DMRT1: variants seen among roughly 807,000 people sequenced by gnomAD.
The protein encoded by DMRT1 is doublesex- and mab-3-related transcription factor 1.
In DMRT1, 7 loss-of-function variants were observed where a neutral mutation model predicts 32.3. The observed-to-expected ratio is 0.22, with a 90% CI of 0.12 to 0.41. The LOEUF (loss-of-function observed/expected upper bound fraction) is 0.41. Among genes scored for constraint, DMRT1 ranks in the 10% least tolerant of loss-of-function variants. The pLI is 1.00. For missense variants in DMRT1, 625 were observed against 500.5 expected (o/e 1.25, Z -2.37); for synonymous variants, 278 against 206.1 (o/e 1.35, Z -2.99).
chr9:881,798 TTTC>T (rs1266395496), intron 2 of DMRT1, among the ~76,000 whole-genome samples: 6 of 152,244 alleles, frequency 3.9e-5, no homozygotes, highest in African/African-American at 7.2e-5. Context: ...GAATCATCCC[TTTC>T]TTCTTCTCCA....
rs1564206870 is a variant in DMRT1, at chr9:864,737, C to CAT, written c.538+17594_538+17595insAT. 3.8e-3 allele frequency among the ~76,000 whole-genome samples: 567 copies of CAT among 149,262 alleles called. 6 individuals carry two copies. The highest frequency in any genetic ancestry group is 0.012 in the African/African-American group (496 of 40,488). On this transcript the variant is annotated intron_variant, in intron 2 of 4. Transcript: ENST00000382276. The stretch of plus-strand genomic sequence containing the variant: ...GGATGGTCTCCATCTCCTAACCTTG[C>CAT]GATCCGCCCACCTCGGCCTCCCAAA...
chr9:884,525 G>A (rs1816850753), intron 2 of DMRT1, among the ~76,000 whole-genome samples: 1 of 152,224 alleles, frequency 6.6e-6, no homozygotes, highest in Non-Finnish European at 1.5e-5. Context: ...GGGAGACAGT[G>A]AGCTCTGTTA....
intron 4 of DMRT1, among the ~76,000 whole-genome samples, chr9:954,614 GT>G (rs370266011): frequency 4.9e-5 from 7 of 142,690 alleles, no homozygotes; most frequent in African/African-American, 1.8e-4. Flanking sequence ...TTTTTTGTTT[GT>G]TTTTTTGTTG....
At chr9:867,481 C>G (rs1816042325) in intron 2 of DMRT1, among the ~76,000 whole-genome samples, 1 of 152,246 alleles carries the variant, frequency 6.6e-6, no homozygotes, top group Admixed American at 6.5e-5. Context: ...CTCTCATTTA[C>G]CGAGTGTCTG....
At chr9:917,669 T>G (rs1392871166) in intron 4 of DMRT1, among the ~76,000 whole-genome samples, 1 of 152,228 alleles carries the variant, frequency 6.6e-6, no homozygotes, top group Non-Finnish European at 1.5e-5. Context: ...TAGAAGAATT[T>G]ACTCTGTGCT....
At chr9:845,877 C>G (rs1220150487) in intron 1 of DMRT1, among the ~76,000 whole-genome samples, 1 of 152,160 alleles carries the variant, frequency 6.6e-6, no homozygotes, top group Admixed American at 6.5e-5. Context: ...AAGGCTCTGT[C>G]CAAATACTAC....
intron 4 of DMRT1, among the ~76,000 whole-genome samples, chr9:947,858 A>T (rs1324726997): frequency 2.0e-5 from 3 of 152,186 alleles, no homozygotes; most frequent in Non-Finnish European, 4.4e-5. Flanking sequence ...CGCTGGAGTC[A>T]TAGATCTCAG....
intron 4 of DMRT1, among the ~76,000 whole-genome samples, chr9:929,151 C>G (rs946029580): frequency 3.3e-5 from 5 of 152,112 alleles, no homozygotes; most frequent in African/African-American, 1.2e-4. Context: ...AATTTTAGCA[C>G]CCTGTATTTG....
intron 2 of DMRT1, among the ~76,000 whole-genome samples, chr9:849,920 T>G (rs1839068308): frequency 6.6e-6 from 1 of 152,004 alleles, no homozygotes; most frequent in South Asian, 2.1e-4. Flanking sequence ...GCCTCCCAGG[T>G]TCAAGCGATA....
chr9:942,497 T>C (rs2129915964), intron 4 of DMRT1, among the ~76,000 whole-genome samples: 1 of 152,322 alleles, frequency 6.6e-6, no homozygotes, highest in Non-Finnish European at 1.5e-5. Flanking sequence ...GGTCTTGAAC[T>C]CCTGAGCTCA....
chr9:918,725 A>AAGAACTAC (rs3084909), intron 4 of DMRT1, among the ~76,000 whole-genome samples: 108,989 of 151,722 alleles, frequency 0.72, 40,321 homozygotes, highest in South Asian at 0.9. Context: ...GAGAGCTGGG[A>AAGAACTAC]AGTAAAATCT....
intron 2 of DMRT1, among the ~76,000 whole-genome samples, chr9:873,808 T>C (rs556111507): frequency 6.6e-6 from 1 of 152,194 alleles, no homozygotes; most frequent in East Asian, 1.9e-4. Context: ...AGACTAAGGC[T>C]AAAGATGACC....
intron 2 of DMRT1, among the ~76,000 whole-genome samples, chr9:854,079 G>C (rs1459047144): frequency 6.6e-6 from 1 of 151,594 alleles, no homozygotes; most frequent in Non-Finnish European, 1.5e-5. Flanking sequence ...CCAAAGTGCT[G>C]GGATTACAGG....
intron 2 of DMRT1, among the ~76,000 whole-genome samples, chr9:878,204 C>CA (rs1554749495): frequency 1.9e-5 from 2 of 107,430 alleles, no homozygotes; most frequent in Non-Finnish European, 3.7e-5. Flanking sequence ...GCTGCTGCCC[C>CA]CCCCCCACCC....
chr9:926,308 G>T (rs974638885), intron 4 of DMRT1, among the ~76,000 whole-genome samples: 2 of 152,042 alleles, frequency 1.3e-5, no homozygotes, highest in African/African-American at 4.8e-5. Flanking sequence ...CAAGTGGAAG[G>T]GTTAATATTT....
intron 4 of DMRT1, among the ~76,000 whole-genome samples, chr9:960,789 C>A (rs1456671486): frequency 6.6e-6 from 1 of 152,146 alleles, no homozygotes; most frequent in Non-Finnish European, 1.5e-5. Context: ...AACAGTCTCC[C>A]AGAAAGGAGG....
intron 3 of DMRT1, among the ~76,000 whole-genome samples, chr9:900,797 A>G (rs1007869290): frequency 2.0e-5 from 3 of 151,264 alleles, no homozygotes; most frequent in Non-Finnish European, 2.9e-5. Flanking sequence ...TGATCCTCCC[A>G]TCTCAGTCTC....
At chr9:899,118 T>A (rs1408427013) in intron 3 of DMRT1, among the ~76,000 whole-genome samples, 1 of 152,162 alleles carries the variant, frequency 6.6e-6, no homozygotes, top group Non-Finnish European at 1.5e-5. Context: ...TCCTGTAGGA[T>A]AACTCCTTTC....
intron 3 of DMRT1, among the ~76,000 whole-genome samples, chr9:901,269 G>A (rs1176659368): frequency 6.6e-6 from 1 of 152,218 alleles, no homozygotes; most frequent in East Asian, 1.9e-4. Context: ...TGCCTGCCCT[G>A]GCCTCCCACA....
Sources: allele counts gnomAD v4.1 joint callset (sites outside exome capture counted in the v4.1 genomes callset), GRCh38; gene constraint gnomAD v4.1.1; transcripts MANE v1.5; gene names NCBI Gene and HGNC (gene_info 2026-07-23, HGNC 2026-07-21).